The following ATG101 variants were observed in gnomAD, a reference collection of about 807,000 sequenced individuals.
ATG101 encodes autophagy related 101.
A neutral mutation model predicts 16.7 loss-of-function variants in ATG101; 6 were observed. That is an observed-to-expected ratio of 0.36 (90% CI 0.20 to 0.71). The LOEUF (loss-of-function observed/expected upper bound fraction) is 0.71, where lower values mean the gene tolerates loss of function less well. ATG101 is among the 30% of genes least tolerant of loss of function. ATG101 has a pLI of 0.57. For missense variants in ATG101, 200 were observed against 292.5 expected (o/e 0.68, Z 2.31); for synonymous variants, 108 against 118.1 (o/e 0.91, Z 0.56).
intron 3 of ATG101, among the ~76,000 whole-genome samples, chr12:52,074,562 C>T (rs1206600744): frequency 6.6e-6 from 1 of 151,856 alleles, no homozygotes; most frequent in Non-Finnish European, 1.5e-5. Context: ...CACTATGTCA[C>T]CCCAGTCTTG....
chr12:52,066,834 C>G (rs184724976), upstream of ATG101, among the ~76,000 whole-genome samples: 9 of 152,150 alleles, frequency 5.9e-5, no homozygotes, highest in Admixed American at 4.6e-4. Context: ...TCAGTCACTT[C>G]CCTTACTCAC....
intron 3 of ATG101, among the ~76,000 whole-genome samples, 184 bp downstream of exon 3, chr12:52,074,086 C>CCGGG (rs397751079): frequency 1.3e-5 from 2 of 151,560 alleles, no homozygotes; most frequent in South Asian, 4.2e-4. Flanking sequence ...GGCGCGCGGG[C>CCGGG]GCGTGTGTGT....
rs756089741 is a variant in ATG101 at position 52,076,850 on chromosome 12, A to G, written c.317A>G (p.Lys106Arg). 2 of 1,614,086 alleles carry G rather than the reference A, an allele frequency of 1.2e-6. No homozygotes were observed. The highest frequency in any genetic ancestry group is 1.7e-6 in the Non-Finnish European group (2 of 1,180,052). The change falls in exon 4 of 4, where the codon AAG (lysine) becomes AGG (arginine). Residue 106 changes from lysine to arginine, a missense_variant. Lys to Arg is a conservative substitution (Grantham distance 26, BLOSUM62 2). Transcript: ENST00000336854. ...GQMSLEFYQK[K>R]KSRWPFSDEC... ...ATGTCCTTGGAGTTCTACCAGAAGA[A>G]GAAGTCTCGCTGGCCATTCTCAGAC... is the stretch of plus-strand genomic sequence containing the variant.
At chr12:52,066,436 G>A (rs1201288822), upstream of ATG101, among the ~76,000 whole-genome samples, 2 of 152,118 alleles carry the variant, frequency 1.3e-5, no homozygotes, top group African/African-American at 4.8e-5. Flanking sequence ...AAGGGAAATC[G>A]GCTTCACTGT....
chr12:52,076,925 T>C lies in ATG101; in HGVS notation c.392T>C (p.Leu131Pro). The change falls in exon 4 of 4, where the codon CTG becomes CCG. Residue 131 changes from leucine to proline, a missense_variant. Physicochemically the swap from Leu to Pro is moderately conservative, Grantham distance 98. Coordinates refer to ENST00000336854, the MANE Select transcript of ATG101 (RefSeq NM_021934.5). ...VWTVKVHVVALATEQERQICR... is the reference protein window; with the variant it reads ...VWTVKVHVVAPATEQERQICR... ...ACGGTCAAGGTGCATGTGGTAGCCC[T>C]GGCCACGGAGCAGGAGCGGCAGATC... is the stretch of plus-strand genomic sequence containing the variant. The C allele has an allele frequency of 6.2e-7, 1 of 1,614,166 alleles. No homozygotes were observed. Among genetic ancestry groups the C allele is most frequent in the Non-Finnish European group, 8.5e-7 (1 of 1,180,032 alleles).
upstream of ATG101, among the ~76,000 whole-genome samples, chr12:52,067,109 G>A (rs533267968): frequency 9.8e-5 from 15 of 152,326 alleles, no homozygotes; most frequent in African/African-American, 2.9e-4. Context: ...GAAGAGGATA[G>A]GGAGCAGATG....
intron 3 of ATG101, among the ~76,000 whole-genome samples, chr12:52,074,766 C>A (rs536281561): frequency 6.6e-6 from 1 of 152,156 alleles, no homozygotes; most frequent in Non-Finnish European, 1.5e-5. Context: ...CAAGACCAGC[C>A]CTGGAAACAT....
chr12:52,077,198 T>C lies in ATG101; in HGVS notation c.*8T>C. On this transcript the variant is annotated 3_prime_UTR_variant, in exon 4 of 4. Coordinates refer to ENST00000336854, the MANE Select transcript of ATG101 (RefSeq NM_021934.5). Reference sequence around the variant, plus strand: ...GACACCCTTGCCCTCTGAGCGTCGCTGGATCTCTGGGAGCTCCTTGATGGC... The same window carrying C: ...GACACCCTTGCCCTCTGAGCGTCGCCGGATCTCTGGGAGCTCCTTGATGGC... 1 of 1,609,258 alleles carries C rather than the reference T, an allele frequency of 6.2e-7. No homozygotes were observed. Among genetic ancestry groups the C allele is most frequent in the Non-Finnish European group, 8.5e-7 (1 of 1,176,158 alleles).
chr12:52,068,234 G>C (rs1407399240), upstream of ATG101, among the ~76,000 whole-genome samples: 1 of 137,606 alleles, frequency 7.3e-6, no homozygotes, highest in Non-Finnish European at 1.6e-5. Context: ...TTGTATTTTT[G>C]GTAGAGATGA....
upstream of ATG101, among the ~76,000 whole-genome samples, chr12:52,066,815 C>T (rs1018015616): frequency 6.6e-6 from 1 of 152,032 alleles, no homozygotes; most frequent in African/African-American, 2.4e-5. Context: ...GTGTGGATGG[C>T]CAGAGAGATC....
chr12:52,073,996 G>A (rs1565661908), intron 3 of ATG101, 94 bp downstream of exon 3: 1 of 1,519,812 alleles, frequency 6.6e-7, no homozygotes, highest in Admixed American at 1.8e-5. Flanking sequence ...TGTTGAACCA[G>A]CCTTCTCTTC....
At chr12:52,067,911 A>G (rs1038842164), upstream of ATG101, among the ~76,000 whole-genome samples, 1 of 151,190 alleles carries the variant, frequency 6.6e-6, no homozygotes, top group Admixed American at 6.6e-5. Flanking sequence ...TCTTATCTAT[A>G]TTGCAGGATT....
At chr12:52,066,973 T>G (rs542114793), upstream of ATG101, among the ~76,000 whole-genome samples, 2 of 152,302 alleles carry the variant, frequency 1.3e-5, no homozygotes, top group South Asian at 4.1e-4. Context: ...CCGTCTGGTT[T>G]TGTGCAGCCT....
upstream of ATG101, among the ~76,000 whole-genome samples, chr12:52,068,447 T>A (rs1297473200): frequency 6.6e-6 from 1 of 151,938 alleles, no homozygotes; most frequent in Non-Finnish European, 1.5e-5. Flanking sequence ...TTCAACCTCC[T>A]GGGCTCAGGT....
upstream of ATG101, among the ~76,000 whole-genome samples, chr12:52,068,342 T>C (rs928822154): frequency 1.3e-5 from 2 of 150,658 alleles, no homozygotes; most frequent in African/African-American, 4.9e-5. Context: ...GCATGAGCCA[T>C]CACACCCGAC....
At chr12:52,075,441 A>G (rs377591958) in intron 3 of ATG101, among the ~76,000 whole-genome samples, 6 of 152,346 alleles carry the variant, frequency 3.9e-5, no homozygotes, top group African/African-American at 1.4e-4. Flanking sequence ...TGTGCACTGC[A>G]AGGACTGAAT....
intron 3 of ATG101, among the ~76,000 whole-genome samples, chr12:52,075,056 G>C (rs746217452): frequency 6.6e-6 from 1 of 152,218 alleles, no homozygotes; most frequent in Non-Finnish European, 1.5e-5. Context: ...GCATGAGCCT[G>C]AAGGCATCTG....
intron 2 of ATG101, chr12:52,070,934 T>C (rs1939640227): frequency 6.6e-6 from 1 of 152,144 alleles, no homozygotes; most frequent in Non-Finnish European, 1.5e-5. Context: ...GATCCAAGCA[T>C]GTAGGAGAAA....
Position 52,077,133 on chromosome 12 carries a change from G to A in ATG101, c.600G>A (p.Leu200=), listed in dbSNP as rs772733695. 6 of 1,614,120 alleles carry A rather than the reference G, an allele frequency of 3.7e-6. No homozygotes were observed. Among genetic ancestry groups the A allele is most frequent in the African/African-American group, 1.3e-5 (1 of 75,018 alleles). The change falls in exon 4 of 4, where the codon CTG becomes CTA. Residue 200 remains leucine (L), a synonymous_variant. Transcript: ENST00000336854. ...YKISFQITDA[L]GTSVTTTMRR... is the part of the protein sequence containing the mutation. ...TCTCCTTCCAGATCACTGATGCCCT[G>A]GGCACCTCAGTCACCACCACCATGC...
Sources: allele counts gnomAD v4.1 joint callset (sites outside exome capture counted in the v4.1 genomes callset), GRCh38; gene constraint gnomAD v4.1.1; transcripts MANE v1.5; gene names NCBI Gene and HGNC (gene_info 2026-07-23, HGNC 2026-07-21).